CACNA1E: variants seen among roughly 807,000 people sequenced by gnomAD.
CACNA1E encodes calcium voltage-gated channel subunit alpha1 E, also known as voltage-dependent R-type calcium channel subunit alpha-1E.
CACNA1E carries 40 observed loss-of-function variants against 259.2 expected under a neutral mutation model. The observed-to-expected ratio is 0.15, with a 90% CI of 0.12 to 0.20. The LOEUF (loss-of-function observed/expected upper bound fraction) is 0.20. CACNA1E is among the 10% of genes least tolerant of loss of function. The pLI is 1.00. For missense variants in CACNA1E, 1,874 were observed against 3,040.1 expected (o/e 0.62, Z 9.02); for synonymous variants, 1,104 against 1,138.5 (o/e 0.97, Z 0.61).
chr1:181,555,063 C>G (rs997293148), intron 3 of CACNA1E, among the ~76,000 whole-genome samples: 2 of 152,202 alleles, frequency 1.3e-5, no homozygotes, highest in African/African-American at 4.8e-5. Flanking sequence ...AAAAGTGCTT[C>G]TCAGACTTCA....
At chr1:181,471,654 C>A (rs950068480) in intron 2 of CACNA1E, among the ~76,000 whole-genome samples, 2 of 152,150 alleles carry the variant, frequency 1.3e-5, no homozygotes, top group African/African-American at 4.8e-5. Flanking sequence ...TATAACCTAA[C>A]ACCTCTTAGC....
chr1:181,342,657 T>A (rs1652255393), intron 1 of CACNA1E, among the ~76,000 whole-genome samples: 1 of 152,028 alleles, frequency 6.6e-6, no homozygotes, highest in Admixed American at 6.5e-5. Flanking sequence ...TAGGGATGCA[T>A]GTTTGGATGC....
At chr1:181,408,029 C>T (rs1657588923) in intron 1 of CACNA1E, among the ~76,000 whole-genome samples, 1 of 152,192 alleles carries the variant, frequency 6.6e-6, no homozygotes, top group African/African-American at 2.4e-5. Context: ...ACTTGTATGC[C>T]TACCACTCAC....
Position 181,758,182 on chromosome 1 carries a change from A to T in CACNA1E, c.4494+71A>T. The T allele has an allele frequency of 7.4e-7, 1 of 1,354,920 alleles. No individual in the cohort carries two copies. The highest frequency in any genetic ancestry group is 1.2e-5 in the South Asian group (1 of 80,156). The allele number at this position is 1,354,920 out of a possible 1,614,324, so 83.9% of individuals were successfully genotyped here. On this transcript the variant is annotated intron_variant, in intron 31 of 47. Coordinates refer to ENST00000367573, the MANE Select transcript of CACNA1E (RefSeq NM_001205293.3). The surrounding 1 kb of genome is among the most constrained non-coding windows in gnomAD (Gnocchi z 4.2). ...TCCCTCCCAGGGCAAGTGGGAAGAC[A>T]CCCCAACATCCCAGCCCATCACTGC...
chr1:181,395,418 C>T (rs543055682), intron 1 of CACNA1E, among the ~76,000 whole-genome samples: 3 of 152,064 alleles, frequency 2.0e-5, no homozygotes, highest in African/African-American at 7.2e-5. Flanking sequence ...GTCATGGAGG[C>T]ACCTGGTTAT....
At chr1:181,667,462 A>T (rs3766979) in intron 7 of CACNA1E, among the ~76,000 whole-genome samples, 4 of 151,920 alleles carry the variant, frequency 2.6e-5, no homozygotes, top group African/African-American at 7.2e-5. Flanking sequence ...TTAATTTTAG[A>T]CTTAGAAAGT....
chr1:181,470,398 T>TTCTCTATGTTCTCTATTC (rs1209931563), intron 2 of CACNA1E, among the ~76,000 whole-genome samples: 1 of 152,040 alleles, frequency 6.6e-6, no homozygotes, highest in Admixed American at 6.6e-5. Flanking sequence ...ATTCTCTATG[T>TTCTCTATGTTCTCTATTC]TCTCTATGTT....
chr1:181,562,938 G>A (rs1035372704), intron 3 of CACNA1E, among the ~76,000 whole-genome samples: 1 of 152,022 alleles, frequency 6.6e-6, no homozygotes, highest in African/African-American at 2.4e-5. Context: ...CCTGTATATA[G>A]GCACAATTCT....
intron 32 of CACNA1E, among the ~76,000 whole-genome samples, chr1:181,760,293 T>C (rs1658469484): frequency 6.6e-6 from 1 of 152,166 alleles, no homozygotes; most frequent in African/African-American, 2.4e-5. Flanking sequence ...TCTAGAGGGA[T>C]TTTCACTCTG....
intron 3 of CACNA1E, among the ~76,000 whole-genome samples, chr1:181,523,784 C>G (rs1262139826): frequency 6.6e-6 from 1 of 152,124 alleles, no homozygotes; most frequent in African/African-American, 2.4e-5. Context: ...GAGATGAGGC[C>G]CAGAACTGCA....
rs779712357 is a variant in CACNA1E, at chr1:181,718,119, G to A, written c.1590G>A (p.Met530Ile). 1.9e-6 allele frequency: 3 copies of A among 1,611,572 alleles called. No individual in the cohort carries two copies. Among genetic ancestry groups the A allele is most frequent in the Non-Finnish European group, 2.5e-6 (3 of 1,177,822 alleles). ...AGATGTCCCTGAAGATGTATGGCATGGGGCCTCGCCTTTATTTTCACTCTT... is the reference window on the plus strand; with the variant it reads ...AGATGTCCCTGAAGATGTATGGCATAGGGCCTCGCCTTTATTTTCACTCTT... ...LLEMSLKMYGMGPRLYFHSSF... is the reference protein window; with the variant it reads ...LLEMSLKMYGIGPRLYFHSSF... The change falls in exon 12 of 48, where the codon ATG becomes ATA. Residue 530 changes from methionine (M) to isoleucine (I), a missense_variant. Met to Ile is a conservative substitution (Grantham distance 10, BLOSUM62 1). Transcript: ENST00000367573.
Position 181,388,616 on chromosome 1 carries a change from C to T in CACNA1E, c.-14-24517C>T, listed in dbSNP as rs113978983. Among the ~76,000 whole-genome samples, 834 of 152,244 alleles carry T rather than the reference C, an allele frequency of 5.5e-3. 8 individuals are homozygous for T. Among genetic ancestry groups the T allele is most frequent in the African/African-American group, 0.019 (795 of 41,530 alleles). On this transcript the variant is annotated intron_variant, in intron 1 of 11. Coordinates refer to the CACNA1E transcript ENST00000524607. ...AAAATATGGTATTATAAGCCGGGCA[C>T]GGTGACTCACGCTTGTAATCCCAGA...
At chr1:181,646,893 G>A (rs148928227) in intron 6 of CACNA1E, among the ~76,000 whole-genome samples, 1 of 152,362 alleles carries the variant, frequency 6.6e-6, no homozygotes, top group Non-Finnish European at 1.5e-5. Flanking sequence ...TTCCCACAAT[G>A]TCAGGACTGG....
intron 12 of CACNA1E, 71 bp downstream of exon 12, chr1:181,718,238 C>G: frequency 2.7e-6 from 2 of 747,236 alleles, no homozygotes; most frequent in Non-Finnish European, 4.7e-6. Flanking sequence ...AAGCAGCTTG[C>G]TCCTTACTCA....
chr1:181,595,517 G>T (rs9725413), intron 6 of CACNA1E, among the ~76,000 whole-genome samples: 6,397 of 152,216 alleles, frequency 0.042, 486 homozygotes, highest in African/African-American at 0.15. Flanking sequence ...TTTTCAGCAG[G>T]CCTGTATCTC....
intron 27 of CACNA1E, among the ~76,000 whole-genome samples, chr1:181,754,446 C>G (rs1025387708): frequency 6.6e-6 from 1 of 152,210 alleles, no homozygotes; most frequent in Non-Finnish European, 1.5e-5. Flanking sequence ...ACCTAAAAAC[C>G]TAGAAAATAA....
intron 43 of CACNA1E, among the ~76,000 whole-genome samples, 177 bp from the exon 44 acceptor site, chr1:181,790,268 T>A (rs1236221685): frequency 6.6e-6 from 1 of 150,544 alleles, no homozygotes; most frequent in Non-Finnish European, 1.5e-5. Flanking sequence ...GTTGAAAACA[T>A]CAGTTTCTGT....
intron 3 of CACNA1E, among the ~76,000 whole-genome samples, chr1:181,526,316 G>T (rs1012119290): frequency 1.3e-5 from 2 of 151,672 alleles, no homozygotes; most frequent in Non-Finnish European, 2.9e-5. Flanking sequence ...GTGGGGTCAG[G>T]ATTCCAATGA....
chr1:181,391,897 G>GTC (rs201422613), intron 1 of CACNA1E, among the ~76,000 whole-genome samples: 3,450 of 150,016 alleles, frequency 0.023, 53 homozygotes, highest in Middle Eastern at 0.041. Flanking sequence ...CTCTGTCTCT[G>GTC]TCTCTCTCTC....
Sources: allele counts gnomAD v4.1 joint callset (sites outside exome capture counted in the v4.1 genomes callset), GRCh38; gene constraint gnomAD v4.1.1; non-coding constraint Gnocchi (gnomAD v3.1); transcripts MANE v1.5; gene names NCBI Gene and HGNC (gene_info 2026-07-23, HGNC 2026-07-21).